Variants in SNX13 observed in about 807,000 individuals in gnomAD.
SNX13 encodes the protein sorting nexin 13.
In SNX13, 45 loss-of-function variants were observed where a neutral mutation model predicts 133.6. The ratio of observed to expected loss-of-function variants is 0.34; its 90% CI spans 0.27 to 0.43. The LOEUF is 0.43. SNX13 is among the 20% of genes least tolerant of loss of function. The pLI is 1.00. For synonymous variants in SNX13, 414 were observed against 373.9 expected (o/e 1.11, Z -1.24); for missense variants, 1,032 against 1,145.1 (o/e 0.90, Z 1.43).
Position 17,793,835 on chromosome 7 carries a change from C to T in SNX13, c.*210G>A, listed in dbSNP as rs901619776. On this transcript the variant is annotated 3_prime_UTR_variant, in exon 26 of 26. Transcript: ENST00000428135. ...TTCTCTCAATGTTGCAAAATATGCA[C>T]CAAATCATTTAAGACACAGAAATCT... 9.9e-6 allele frequency: 5 copies of T among 503,866 alleles called. No individual in the cohort carries two copies. The highest frequency in any genetic ancestry group is 9.8e-5 in the African/African-American group (5 of 50,806). 31.2% of individuals were successfully genotyped at this position (503,866 alleles called of 1,614,324 possible).
At chr7:17,853,281 A>C (rs1791460049) in intron 9 of SNX13, among the ~76,000 whole-genome samples, 1 of 152,230 alleles carries the variant, frequency 6.6e-6, no homozygotes, top group Admixed American at 6.5e-5. Flanking sequence ...GAGGTAAAGA[A>C]GTACAGGATG....
At chr7:17,919,928 C>G (rs1436023541) in intron 1 of SNX13, among the ~76,000 whole-genome samples, 1 of 151,932 alleles carries the variant, frequency 6.6e-6, no homozygotes, top group Non-Finnish European at 1.5e-5. Flanking sequence ...GCCAGGAGTT[C>G]AAAACCAGCC....
At chr7:17,902,242 GTTTTTTT>G (rs71010277) in intron 1 of SNX13, among the ~76,000 whole-genome samples, 1 of 120,360 alleles carries the variant, frequency 8.3e-6, no homozygotes, top group Admixed American at 8.4e-5. Flanking sequence ...TACTGTCATG[GTTTTTTT>G]TTTTTTTTTT....
intron 12 of SNX13, among the ~76,000 whole-genome samples, chr7:17,845,169 C>CACAA (rs1790344675): frequency 6.6e-6 from 1 of 151,910 alleles, no homozygotes. Flanking sequence ...CACACACACA[C>CACAA]ACACACACGA....
chr7:17,891,777 G>A, intron 3 of SNX13, 142 bp from the exon 4 acceptor site: 1 of 518,436 alleles, frequency 1.9e-6, no homozygotes, highest in Non-Finnish European at 3.3e-6. Flanking sequence ...TACTCTATAA[G>A]CCAAACACTA....
chr7:17,849,618 A>C (rs60138005), intron 11 of SNX13, among the ~76,000 whole-genome samples: 6,282 of 152,292 alleles, frequency 0.041, 422 homozygotes, highest in African/African-American at 0.14. Flanking sequence ...ACCATATAAG[A>C]TCTAACCCCC....
chr7:17,927,549 T>C (rs918988902), intron 1 of SNX13, among the ~76,000 whole-genome samples: 2 of 152,190 alleles, frequency 1.3e-5, no homozygotes, highest in African/African-American at 4.8e-5. Context: ...AGCCAGAAAT[T>C]AAAATATTCT....
At chr7:17,838,324 T>G (rs562562630) in intron 13 of SNX13, among the ~76,000 whole-genome samples, 1 of 152,136 alleles carries the variant, frequency 6.6e-6, no homozygotes, top group East Asian at 1.9e-4. Flanking sequence ...TCAGGGTTCA[T>G]GTCTCCTCTT....
In SNX13 at chr7:17,940,355, A is replaced by G. The variant is rs1321507416; in HGVS notation, c.-60T>C. 2 of 1,552,460 alleles carry G rather than the reference A, an allele frequency of 1.3e-6. No homozygotes were observed. Among genetic ancestry groups the G allele is most frequent in the Non-Finnish European group, 1.7e-6 (2 of 1,147,366 alleles). ...CTCGCCTCATGGCAACAGCCGTAGCAGCAGCGAAAACTGCTCGGGCCGCCG... is the reference window on the plus strand; with the variant it reads ...CTCGCCTCATGGCAACAGCCGTAGCGGCAGCGAAAACTGCTCGGGCCGCCG... On this transcript the variant is annotated 5_prime_UTR_variant, in exon 1 of 26. Transcript: ENST00000428135.
chr7:17,905,109 T>C (rs771522579), intron 1 of SNX13, among the ~76,000 whole-genome samples: 8 of 152,224 alleles, frequency 5.3e-5, no homozygotes. Context: ...GATACAATGC[T>C]ATATACTCCT....
chr7:17,869,049 A>G (rs140759924), intron 8 of SNX13, among the ~76,000 whole-genome samples: 29 of 152,244 alleles, frequency 1.9e-4, no homozygotes, highest in African/African-American at 6.5e-4. Flanking sequence ...AACATTCTCT[A>G]AAATCTACCT....
At chr7:17,850,571 T>C in intron 10 of SNX13, 136 bp from the exon 11 acceptor site, 1 of 650,090 alleles carries the variant, frequency 1.5e-6, no homozygotes. Context: ...CCATCTGAAA[T>C]TATACAGTGA....
intron 20 of SNX13, among the ~76,000 whole-genome samples, chr7:17,805,250 T>TGTGTGTGTGCGCGCGCGCGCGCGCGC: frequency 3.1e-5 from 3 of 95,560 alleles, no homozygotes; most frequent in Admixed American, 1.2e-4. Flanking sequence ...TGTGTGTGTG[T>TGTGTGTGTGCGCGCGCGCGCGCGCGC]GCGTGCGCGC....
chr7:17,798,113 G>C (rs1022642803), intron 24 of SNX13, among the ~76,000 whole-genome samples: 4 of 151,800 alleles, frequency 2.6e-5, no homozygotes, highest in Non-Finnish European at 5.9e-5. Flanking sequence ...TCAGAAAAGA[G>C]GTTTATTTCT....
At chr7:17,881,823 G>GA (rs1320420150) in intron 5 of SNX13, 1 of 152,130 alleles carries the variant, frequency 6.6e-6, no homozygotes, top group East Asian at 1.9e-4. Flanking sequence ...AACTCAGGCT[G>GA]AAATTGAATT....
intron 9 of SNX13, among the ~76,000 whole-genome samples, chr7:17,862,401 CTATTT>C (rs1259905495): frequency 6.6e-6 from 1 of 152,058 alleles, no homozygotes; most frequent in Non-Finnish European, 1.5e-5. Flanking sequence ...TAAAAACATA[CTATTT>C]TATTACATAA....
intron 5 of SNX13, among the ~76,000 whole-genome samples, chr7:17,877,045 G>GAAAAA (rs57618763): frequency 1.7e-5 from 1 of 60,066 alleles, no homozygotes; most frequent in African/African-American, 5.2e-5. Context: ...GTTACTTTTT[G>GAAAAA]AAAAAAAAAA....
intron 20 of SNX13, among the ~76,000 whole-genome samples, chr7:17,806,586 G>A (rs896295147): frequency 1.3e-5 from 2 of 152,060 alleles, no homozygotes; most frequent in Non-Finnish European, 2.9e-5. Context: ...AAAAATGTGT[G>A]TTATTGTGGA....
At chr7:17,830,656 G>T (rs1788386642) in intron 15 of SNX13, 1 of 983,090 alleles carries the variant, frequency 1.0e-6, no homozygotes, top group Non-Finnish European at 1.2e-6. Flanking sequence ...TAATGTGAGA[G>T]AATAAGTCAA....
Sources: gnomAD v4.1 joint callset for allele counts (sites outside exome capture counted in the v4.1 genomes callset) on GRCh38, gnomAD v4.1.1 for gene constraint, MANE v1.5 for transcripts, NCBI Gene and HGNC (gene_info 2026-07-23, HGNC 2026-07-21) for gene names.